Variants in RGPD2 observed in about 807,000 individuals in gnomAD.
RGPD2 encodes RANBP2-like and GRIP domain-containing protein 2.
In RGPD2, 2 loss-of-function variants were observed where a neutral mutation model predicts 36.0. The observed-to-expected ratio is 0.06, with a 90% CI of 0.02 to 0.17. RGPD2 has a LOEUF of 0.17. RGPD2 is among the 10% of genes least tolerant of loss of function. The pLI, the probability that RGPD2 is intolerant of heterozygous loss-of-function variation, is 1.00. For synonymous variants in RGPD2, 19 were observed against 163.8 expected (o/e 0.12, Z 6.75); for missense variants, 40 against 464.3 (o/e 0.09, Z 8.40).
the RGPD2 span, among the ~76,000 whole-genome samples, chr2:87,881,159 C>T: frequency 6.6e-6 from 1 of 152,012 alleles, no homozygotes; most frequent in African/African-American, 2.4e-5. Context: ...GGCATTTCCA[C>T]TTATGTGGCT....
At chr2:87,984,486 A>G in the RGPD2 span, among the ~76,000 whole-genome samples, 1,862 of 150,936 alleles carry the variant, frequency 0.012, 26 homozygotes, top group African/African-American at 0.043. Flanking sequence ...AAAATTTTTA[A>G]TGATAACGGG....
the RGPD2 span, among the ~76,000 whole-genome samples, chr2:87,965,052 C>A: frequency 2.7e-5 from 4 of 149,410 alleles, no homozygotes; most frequent in Admixed American, 6.8e-5. Flanking sequence ...GGAAGAACCA[C>A]CTGACATGAG....
the RGPD2 span, among the ~76,000 whole-genome samples, chr2:87,915,340 AATGTATATTATATATATTATATATAT>A: frequency 1.8e-5 from 2 of 109,580 alleles, no homozygotes; most frequent in South Asian, 2.5e-4. Context: ...TTGTATATAT[AATGTATATTATATATATTATATATAT>A]ATGTATATTA....
intron 1 of RGPD2, among the ~76,000 whole-genome samples, chr2:87,824,767 G>A (rs1445174343): frequency 1.4e-5 from 1 of 72,114 alleles, no homozygotes; most frequent in Non-Finnish European, 3.1e-5. Flanking sequence ...CGCCGCCGCC[G>A]CCCGGCCAGG....
the RGPD2 span, among the ~76,000 whole-genome samples, chr2:87,966,410 G>T: frequency 1.4e-5 from 2 of 148,100 alleles, no homozygotes; most frequent in Non-Finnish European, 3.0e-5. Flanking sequence ...AGGACTAAGG[G>T]ATGGTGAAAA....
the RGPD2 span, among the ~76,000 whole-genome samples, chr2:87,886,761 T>C: frequency 6.6e-6 from 1 of 151,726 alleles, no homozygotes; most frequent in Non-Finnish European, 1.5e-5. Flanking sequence ...TGCACACAAC[T>C]GCTTTTTATG....
At chr2:87,913,361 G>A in the RGPD2 span, among the ~76,000 whole-genome samples, 1 of 151,842 alleles carries the variant, frequency 6.6e-6, no homozygotes, top group African/African-American at 2.4e-5. Context: ...CGTGGACACA[G>A]GAAGGGGAAT....
At chr2:87,841,358 C>A in the RGPD2 span, among the ~76,000 whole-genome samples, 38 of 152,252 alleles carry the variant, frequency 2.5e-4, no homozygotes, top group Non-Finnish European at 4.3e-4. Context: ...GTACAACCTG[C>A]AGAACCCTGA....
the RGPD2 span, among the ~76,000 whole-genome samples, chr2:87,962,622 T>G: frequency 6.7e-6 from 1 of 150,340 alleles, no homozygotes; most frequent in East Asian, 2.0e-4. Flanking sequence ...TCTATCCATG[T>G]GGGGATAGCC....
chr2:87,859,558 C>G, the RGPD2 span, among the ~76,000 whole-genome samples: 1 of 152,216 alleles, frequency 6.6e-6, no homozygotes, highest in Non-Finnish European at 1.5e-5. Context: ...AACTCTTCAT[C>G]CTGTTCAGCT....
At chr2:87,825,859 T>C, upstream of RGPD2, 1 of 1,183,584 alleles carries the variant, frequency 8.4e-7, no homozygotes, top group Non-Finnish European at 1.2e-6. Flanking sequence ...CGCACTTGTG[T>C]ACTGCGTCAG....
At chr2:87,885,203 T>C in the RGPD2 span, among the ~76,000 whole-genome samples, 6 of 152,048 alleles carry the variant, frequency 3.9e-5, no homozygotes, top group Non-Finnish European at 8.8e-5. Flanking sequence ...TGAACATACA[T>C]AAATCAATAA....
At chr2:87,897,328 C>T in the RGPD2 span, among the ~76,000 whole-genome samples, 6 of 147,148 alleles carry the variant, frequency 4.1e-5, no homozygotes, top group South Asian at 2.3e-4. Flanking sequence ...GAGGAGAAAA[C>T]GGAGTTCTAA....
At chr2:87,852,882 A>G in the RGPD2 span, among the ~76,000 whole-genome samples, 8 of 152,266 alleles carry the variant, frequency 5.3e-5, no homozygotes, top group African/African-American at 1.9e-4. Context: ...GCCATCTGAC[A>G]TATTACGTAT....
the RGPD2 span, among the ~76,000 whole-genome samples, chr2:87,876,515 A>G: frequency 6.6e-6 from 1 of 152,282 alleles, no homozygotes; most frequent in Non-Finnish European, 1.5e-5. Context: ...CGGATCGCTC[A>G]ATTTCCATGT....
the RGPD2 span, among the ~76,000 whole-genome samples, chr2:87,842,166 C>T: frequency 6.6e-6 from 1 of 152,188 alleles, no homozygotes; most frequent in African/African-American, 2.4e-5. Context: ...GGGATGCCCT[C>T]TCTCACCACT....
chr2:87,986,136 C>CTTT, the RGPD2 span, among the ~76,000 whole-genome samples: 7,747 of 88,240 alleles, frequency 0.088, 967 homozygotes, highest in Non-Finnish European at 0.12. Context: ...CTGAAGACAG[C>CTTT]TTTTTTTTTT....
the RGPD2 span, among the ~76,000 whole-genome samples, chr2:87,852,643 G>T: frequency 6.6e-6 from 1 of 152,216 alleles, no homozygotes; most frequent in Admixed American, 6.5e-5. Context: ...CTATGCTATT[G>T]ATTGTGTATA....
chr2:87,915,308 A>ATATATATATATATTATATATATTT, the RGPD2 span, among the ~76,000 whole-genome samples: 1 of 130,648 alleles, frequency 7.7e-6, no homozygotes, highest in Non-Finnish European at 1.6e-5. Flanking sequence ...TATATATTGT[A>ATATATATATATATTATATATATTT]TATATATGTA....
Sources: allele counts gnomAD v4.1 joint callset (sites outside exome capture counted in the v4.1 genomes callset), GRCh38; gene constraint gnomAD v4.1.1; transcripts MANE v1.5; gene names NCBI Gene and HGNC (gene_info 2026-07-23, HGNC 2026-07-21).